The following GALNTL6 variants were observed in gnomAD, a reference collection of about 807,000 sequenced individuals.
The protein encoded by GALNTL6 is polypeptide N-acetylgalactosaminyltransferase like 6, also known as polypeptide N-acetylgalactosaminyltransferase-like 6.
Under a neutral mutation model 73.7 loss-of-function variants are expected in GALNTL6, and 46 were observed. That is an observed-to-expected ratio of 0.62 (90% CI 0.49 to 0.80). GALNTL6 has a LOEUF of 0.80. Ranked by LOEUF, GALNTL6 falls within the 30% of genes least tolerant of loss-of-function variation. GALNTL6 has a pLI of 0.00. For synonymous variants in GALNTL6, 259 were observed against 263.7 expected (o/e 0.98, Z 0.17); for missense variants, 604 against 755.0 (o/e 0.80, Z 2.34).
intron 5 of GALNTL6, among the ~76,000 whole-genome samples, chr4:172,614,586 A>G (rs1175765983): frequency 6.6e-6 from 1 of 152,216 alleles, no homozygotes; most frequent in African/African-American, 2.4e-5. Context: ...TTCAGATATT[A>G]GAAAGGATAA....
intron 5 of GALNTL6, among the ~76,000 whole-genome samples, chr4:172,614,689 G>A (rs138994554): frequency 1.1e-4 from 16 of 152,244 alleles, no homozygotes; most frequent in East Asian, 5.8e-4. Context: ...AGACAGGTGC[G>A]TAAAATCCTT....
intron 6 of GALNTL6, among the ~76,000 whole-genome samples, chr4:172,813,301 A>G (rs537052942): frequency 2.0e-5 from 3 of 152,280 alleles, no homozygotes; most frequent in African/African-American, 7.2e-5. Flanking sequence ...GACTTCTGCA[A>G]GTCTCTCTGG....
intron 5 of GALNTL6, among the ~76,000 whole-genome samples, chr4:172,765,871 G>GA (rs11342089): frequency 4.9e-4 from 72 of 148,238 alleles, no homozygotes; most frequent in Admixed American, 1.0e-3. Context: ...TTGCTGAAAA[G>GA]AAAAAAAAAA....
intron 2 of GALNTL6, among the ~76,000 whole-genome samples, chr4:172,166,895 A>G (rs1734641522): frequency 6.6e-6 from 1 of 152,194 alleles, no homozygotes. Flanking sequence ...TGATTGTAGT[A>G]CACTGGGTCT....
intron 5 of GALNTL6, among the ~76,000 whole-genome samples, chr4:172,561,197 G>A (rs1736346657): frequency 6.9e-6 from 1 of 145,602 alleles, no homozygotes; most frequent in South Asian, 2.2e-4. Context: ...AGCTTGCAGT[G>A]AGCCGAGATT....
At chr4:172,469,498 C>A (rs1732965547) in intron 5 of GALNTL6, among the ~76,000 whole-genome samples, 1 of 151,892 alleles carries the variant, frequency 6.6e-6, no homozygotes, top group African/African-American at 2.4e-5. Context: ...TCCAAACTAT[C>A]AAAGCAGTGT....
intron 12 of GALNTL6, among the ~76,000 whole-genome samples, chr4:173,038,549 T>G (rs1753787492): frequency 1.3e-5 from 2 of 152,182 alleles, no homozygotes; most frequent in African/African-American, 2.4e-5. Flanking sequence ...GAGCCCTCTT[T>G]GTGTAAGGAA....
At chr4:172,081,378 G>A (rs186558558) in intron 2 of GALNTL6, among the ~76,000 whole-genome samples, 28 of 152,322 alleles carry the variant, frequency 1.8e-4, no homozygotes, top group African/African-American at 6.7e-4. Context: ...GGTGGCTCAC[G>A]CCTAGAATCC....
chr4:172,897,512 C>T lies in GALNTL6; in HGVS notation c.1041+14605C>T, dbSNP rs114086264. Among the ~76,000 whole-genome samples the T allele has an allele frequency of 5.3e-3, 801 of 152,264 alleles. 16 individuals are homozygous for T. Among genetic ancestry groups the T allele is most frequent in the South Asian group, 0.049 (235 of 4,816 alleles). On this transcript the variant is annotated intron_variant, in intron 8 of 12. Coordinates refer to ENST00000506823, the MANE Select transcript of GALNTL6 (RefSeq NM_001034845.3). ...GCCTTTCACCCAATAAGCTAACGTG[C>T]GAGGGTCCTTCCAAACCCCTTGGCA...
chr4:172,840,161 C>A (rs1367339133), intron 7 of GALNTL6, among the ~76,000 whole-genome samples: 4 of 152,148 alleles, frequency 2.6e-5, no homozygotes, highest in Admixed American at 2.0e-4. Context: ...CTCTGTACTG[C>A]CCAAATTCTA....
intron 5 of GALNTL6, among the ~76,000 whole-genome samples, chr4:172,553,808 G>T (rs1215638627): frequency 6.6e-6 from 1 of 152,048 alleles, no homozygotes; most frequent in Non-Finnish European, 1.5e-5. Context: ...TGTAATCTCA[G>T]TGCTTTGGGA....
At chr4:172,162,980 G>A (rs1734520195) in intron 2 of GALNTL6, among the ~76,000 whole-genome samples, 1 of 152,016 alleles carries the variant, frequency 6.6e-6, no homozygotes, top group Non-Finnish European at 1.5e-5. Flanking sequence ...GGAGAATAAA[G>A]TAGTCATGCC....
intron 3 of GALNTL6, among the ~76,000 whole-genome samples, chr4:172,301,665 G>A (rs868822802): frequency 1.4e-4 from 21 of 152,138 alleles, no homozygotes; most frequent in Admixed American, 3.9e-4. Flanking sequence ...TATCAGCTGC[G>A]GAGGCTGCAG....
chr4:172,780,180 A>G (rs938854976), intron 5 of GALNTL6, among the ~76,000 whole-genome samples: 2 of 152,164 alleles, frequency 1.3e-5, no homozygotes, highest in African/African-American at 2.4e-5. Context: ...GAAACATCAA[A>G]TCTTAAAAAT....
intron 3 of GALNTL6, among the ~76,000 whole-genome samples, chr4:172,246,660 T>G (rs1358320800): frequency 6.6e-6 from 1 of 151,858 alleles, no homozygotes; most frequent in African/African-American, 2.4e-5. Context: ...ACAGCAAATC[T>G]TTTACTTTCT....
intron 2 of GALNTL6, among the ~76,000 whole-genome samples, chr4:172,172,371 A>G (rs1734857949): frequency 6.6e-6 from 1 of 151,788 alleles, no homozygotes; most frequent in African/African-American, 2.4e-5. Flanking sequence ...CTAATTTTGT[A>G]TTTTTAGTAG....
rs371725643 is a variant in GALNTL6, at chr4:171,919,086, G to C, written c.138+104368G>C. On this transcript the variant is annotated intron_variant, in intron 2 of 12. Transcript: ENST00000506823. ...TCTGGTGTACAACATTGTATCTATC[G>C]TCAACAATAATATATTGTACACTTA... is the stretch of plus-strand genomic sequence containing the variant. 1.3e-4 allele frequency among the ~76,000 whole-genome samples: 20 copies of C among 152,178 alleles called. No individual in the cohort carries two copies. In the East Asian group the frequency reaches 2.7e-3, roughly 21 times the overall value.
intron 2 of GALNTL6, among the ~76,000 whole-genome samples, chr4:171,865,351 A>C (rs1056246190): frequency 2.0e-5 from 3 of 152,196 alleles, no homozygotes; most frequent in Admixed American, 2.0e-4. Flanking sequence ...CAACACAGAA[A>C]AACAGTAATG....
In GALNTL6 at chr4:171,997,526, T is replaced by G. The variant is rs574403969; in HGVS notation, c.138+182808T>G. ...TAGCCTACTGTTGGGCATAATCATCTAATGCAAAGCCTATTTTATAATAAA... is the reference window on the plus strand; with the variant it reads ...TAGCCTACTGTTGGGCATAATCATCGAATGCAAAGCCTATTTTATAATAAA... On this transcript the variant is annotated intron_variant, in intron 2 of 12. Coordinates refer to ENST00000506823, the MANE Select transcript of GALNTL6 (RefSeq NM_001034845.3). Among the ~76,000 whole-genome samples, 305 of 152,192 alleles carry G rather than the reference T, an allele frequency of 2.0e-3. 2 individuals are homozygous for G. Among genetic ancestry groups the G allele is most frequent in the Middle Eastern group, 0.014 (4 of 294 alleles).
Sources: gnomAD v4.1 joint callset for allele counts (sites outside exome capture counted in the v4.1 genomes callset) on GRCh38, gnomAD v4.1.1 for gene constraint, MANE v1.5 for transcripts, NCBI Gene and HGNC (gene_info 2026-07-23, HGNC 2026-07-21) for gene names.